Variants in RALGAPA2 observed in about 807,000 individuals in gnomAD.
The protein encoded by RALGAPA2 is ral GTPase-activating protein subunit alpha-2.
Under a neutral mutation model 230.4 loss-of-function variants are expected in RALGAPA2, and 139 were observed. The observed-to-expected ratio is 0.60, with a 90% CI of 0.53 to 0.69. The LOEUF (loss-of-function observed/expected upper bound fraction) is 0.69, where lower values mean the gene tolerates loss of function less well. Ranked by LOEUF, RALGAPA2 falls within the 30% of genes least tolerant of loss-of-function variation. The pLI is 0.00. For missense variants in RALGAPA2, 2,163 were observed against 2,276.0 expected (o/e 0.95, Z 1.01); for synonymous variants, 847 against 837.8 (o/e 1.01, Z -0.19).
At chr20:20,580,211 C>T (rs147808493) in intron 20 of RALGAPA2, among the ~76,000 whole-genome samples, 1 of 152,250 alleles carries the variant, frequency 6.6e-6, no homozygotes, top group Non-Finnish European at 1.5e-5. Flanking sequence ...TAAATGTATG[C>T]ATGTCTTAAG....
intron 37 of RALGAPA2, among the ~76,000 whole-genome samples, chr20:20,415,087 C>T (rs749632450): frequency 3.9e-5 from 6 of 152,200 alleles, no homozygotes; most frequent in East Asian, 3.8e-4. Context: ...AAAAACACAG[C>T]GCTGGGATCT....
At chr20:20,458,822 C>CTA (rs200288941) in intron 37 of RALGAPA2, among the ~76,000 whole-genome samples, 9 of 10,674 alleles carry the variant, frequency 8.4e-4, no homozygotes, top group Admixed American at 3.9e-3. Context: ...ATATATAGAC[C>CTA]TATATATATA....
chr20:20,506,480 G>A (rs1602580981), intron 33 of RALGAPA2, among the ~76,000 whole-genome samples: 1 of 152,132 alleles, frequency 6.6e-6, no homozygotes, highest in South Asian at 2.1e-4. Flanking sequence ...ATGAAACACT[G>A]TTCTTATTCA....
intron 37 of RALGAPA2, among the ~76,000 whole-genome samples, chr20:20,467,028 GA>G (rs2061433974): frequency 6.6e-6 from 1 of 152,172 alleles, no homozygotes; most frequent in Non-Finnish European, 1.5e-5. Flanking sequence ...GAAAGTTACT[GA>G]AAAAACTGCT....
intron 37 of RALGAPA2, among the ~76,000 whole-genome samples, chr20:20,416,583 C>T (rs952511933): frequency 4.6e-5 from 7 of 152,190 alleles, no homozygotes; most frequent in Admixed American, 1.3e-4. Context: ...CTTAAATATA[C>T]GTGAGCTATA....
intron 9 of RALGAPA2, among the ~76,000 whole-genome samples, chr20:20,630,375 A>G (rs897874232): frequency 6.6e-6 from 1 of 152,244 alleles, no homozygotes; most frequent in Non-Finnish European, 1.5e-5. Context: ...ACCCACTGTG[A>G]GTATTTTTTA....
intron 3 of RALGAPA2, among the ~76,000 whole-genome samples, chr20:20,657,292 G>A (rs1205219233): frequency 3.9e-5 from 6 of 152,188 alleles, no homozygotes; most frequent in Non-Finnish European, 7.3e-5. Context: ...AAATGGCGAG[G>A]CCCTTGTACT....
chr20:20,565,355 C>T lies in RALGAPA2; in HGVS notation c.3156+6103G>A, dbSNP rs552714667. On this transcript the variant is annotated intron_variant, in intron 23 of 39. Coordinates refer to ENST00000202677, the MANE Select transcript of RALGAPA2 (RefSeq NM_020343.4). The stretch of plus-strand genomic sequence containing the variant: ...ATTCTTTGTCTGAGAAAAGGTGATG[C>T]AATTATTACATATGACTGCATGATA... 2.4e-3 allele frequency among the ~76,000 whole-genome samples: 359 copies of T among 152,216 alleles called. 1 individual carries two copies. Among genetic ancestry groups the T allele is most frequent in the African/African-American group, 8.1e-3 (338 of 41,544 alleles).
intron 3 of RALGAPA2, among the ~76,000 whole-genome samples, chr20:20,672,023 T>C (rs1404151488): frequency 1.3e-5 from 2 of 152,160 alleles, no homozygotes; most frequent in African/African-American, 4.8e-5. Context: ...AACTGCAGAA[T>C]GCCAAGGAGC....
At chr20:20,633,824 T>C (rs2066766829) in intron 9 of RALGAPA2, among the ~76,000 whole-genome samples, 2 of 152,230 alleles carry the variant, frequency 1.3e-5, no homozygotes, top group Admixed American at 1.3e-4. Flanking sequence ...TAAATAAATC[T>C]GACATTTGCT....
chr20:20,520,278 T>A (rs962432337), intron 31 of RALGAPA2, among the ~76,000 whole-genome samples: 2 of 152,166 alleles, frequency 1.3e-5, no homozygotes, highest in Non-Finnish European at 2.9e-5. Context: ...TGCAATTTTA[T>A]CATATGTATA....
chr20:20,668,677 A>G (rs1216059113), intron 3 of RALGAPA2, among the ~76,000 whole-genome samples: 1 of 152,238 alleles, frequency 6.6e-6, no homozygotes, highest in Non-Finnish European at 1.5e-5. Flanking sequence ...GTCCAAAGGA[A>G]AGAATGAGCA....
At chr20:20,455,689 C>G (rs1467713500) in intron 37 of RALGAPA2, among the ~76,000 whole-genome samples, 1 of 152,196 alleles carries the variant, frequency 6.6e-6, no homozygotes, top group Non-Finnish European at 1.5e-5. Context: ...CCGGCTCTTA[C>G]TATAAAAAGA....
chr20:20,585,134 T>C (rs2146040423), intron 18 of RALGAPA2, among the ~76,000 whole-genome samples, 179 bp from the exon 19 acceptor site: 1 of 145,796 alleles, frequency 6.9e-6, no homozygotes, highest in Non-Finnish European at 1.6e-5. Flanking sequence ...TTTATGTTAC[T>C]CAAGATCTGA....
At chr20:20,631,770 G>A (rs2066680289) in intron 9 of RALGAPA2, among the ~76,000 whole-genome samples, 1 of 152,216 alleles carries the variant, frequency 6.6e-6, no homozygotes, top group African/African-American at 2.4e-5. Context: ...AACTTACTGT[G>A]AGGTATAGTG....
intron 37 of RALGAPA2, chr20:20,471,051 T>A (rs751116807): frequency 1.3e-5 from 2 of 152,352 alleles, no homozygotes; most frequent in Admixed American, 1.3e-4. Flanking sequence ...ATATTTTTCC[T>A]AATTTCTGTA....
chr20:20,412,149 C>T lies in RALGAPA2; in HGVS notation c.5496-1G>A. On this transcript the variant is annotated splice_acceptor_variant, in intron 37 of 39. Transcript: ENST00000202677. LOFTEE classifies it high-confidence loss of function. ...GAGATACAGAGCTCGCTCTTCATAG[C>T]TGCGGTAATCGGTTAAGGAAACAAG... 6.2e-7 allele frequency: 1 copy of T among 1,613,798 alleles called. No individual in the cohort carries two copies. Among genetic ancestry groups the T allele is most frequent in the Non-Finnish European group, 8.5e-7 (1 of 1,179,784 alleles).
At chr20:20,507,232 T>A (rs986477807) in intron 33 of RALGAPA2, among the ~76,000 whole-genome samples, 6 of 152,248 alleles carry the variant, frequency 3.9e-5, no homozygotes, top group African/African-American at 1.4e-4. Flanking sequence ...CAACATTCCA[T>A]TATATTAATA....
At chr20:20,554,228 T>C (rs2064013093) in intron 23 of RALGAPA2, among the ~76,000 whole-genome samples, 2 of 152,224 alleles carry the variant, frequency 1.3e-5, no homozygotes, top group South Asian at 4.1e-4. Flanking sequence ...ACCCTGGATA[T>C]TTCAGCATAT....
Sources: allele counts gnomAD v4.1 joint callset (sites outside exome capture counted in the v4.1 genomes callset), GRCh38; gene constraint gnomAD v4.1.1; transcripts MANE v1.5; gene names NCBI Gene and HGNC (gene_info 2026-07-23, HGNC 2026-07-21).